Variants in MBOAT2 observed in about 807,000 individuals in gnomAD.
The protein encoded by MBOAT2 is membrane-bound glycerophospholipid O-acyltransferase 2.
A neutral mutation model predicts 63.4 loss-of-function variants in MBOAT2; 28 were observed. That is an observed-to-expected ratio of 0.44 (90% CI 0.33 to 0.61). The LOEUF (loss-of-function observed/expected upper bound fraction) is 0.61, where lower values mean the gene tolerates loss of function less well. Among genes scored for constraint, MBOAT2 ranks in the 20% least tolerant of loss-of-function variants. MBOAT2 has a pLI of 0.03. For missense variants in MBOAT2, 470 were observed against 605.8 expected (o/e 0.78, Z 2.35); for synonymous variants, 211 against 215.6 (o/e 0.98, Z 0.19).
intron 5 of MBOAT2, among the ~76,000 whole-genome samples, chr2:8,886,111 C>T (rs540805597): frequency 1.6e-4 from 24 of 152,286 alleles, no homozygotes; most frequent in South Asian, 1.5e-3. Flanking sequence ...CGCTAGGCAG[C>T]GGGGGCCTAT....
At chr2:8,942,276 G>A (rs1263986110) in intron 3 of MBOAT2, among the ~76,000 whole-genome samples, 2 of 152,332 alleles carry the variant, frequency 1.3e-5, no homozygotes, top group Admixed American at 1.3e-4. Flanking sequence ...CCACAGGTCT[G>A]ATTCTTTATA....
chr2:8,873,428 G>A (rs1275796557), intron 7 of MBOAT2, 128 bp from the exon 8 acceptor site: 25 of 925,782 alleles, frequency 2.7e-5, no homozygotes. Flanking sequence ...CAAAATTCAA[G>A]AGCTACATTG....
chr2:8,926,457 C>T (rs190508891), intron 3 of MBOAT2, among the ~76,000 whole-genome samples: 6 of 152,324 alleles, frequency 3.9e-5, no homozygotes, highest in Admixed American at 3.9e-4. Context: ...CCACAGAGGT[C>T]ACAGGTCAAC....
intron 2 of MBOAT2, among the ~76,000 whole-genome samples, chr2:8,946,484 T>C (rs928962479): frequency 1.8e-4 from 28 of 152,244 alleles, no homozygotes; most frequent in Admixed American, 6.5e-5. Flanking sequence ...TGACTTGTTT[T>C]ACTGCACTTT....
chr2:8,963,596 C>A (rs928347646), intron 1 of MBOAT2, among the ~76,000 whole-genome samples: 2 of 152,120 alleles, frequency 1.3e-5, no homozygotes, highest in African/African-American at 4.8e-5. Flanking sequence ...AGCCACCACA[C>A]CCAACCTGAA....
chr2:8,903,043 C>T (rs2148579188), intron 4 of MBOAT2, among the ~76,000 whole-genome samples: 1 of 152,270 alleles, frequency 6.6e-6, no homozygotes, highest in Middle Eastern at 3.4e-3. Flanking sequence ...ACACAGAATG[C>T]TGATTGGTGC....
rs1323179140 is a variant in MBOAT2 at position 8,855,499 on chromosome 2, C to T, written c.*3180G>A. 2.0e-5 allele frequency: 3 copies of T among 152,234 alleles called. No individual in the cohort carries two copies. The highest frequency in any genetic ancestry group is 6.5e-5 in the Admixed American group (1 of 15,292). The allele number at this position is 152,234 out of a possible 1,614,324, so 9.4% of individuals were successfully genotyped here. On this transcript the variant is annotated 3_prime_UTR_variant, in exon 13 of 13. Transcript: ENST00000305997. Reference sequence around the variant, plus strand: ...GTTTGGAAATCCTGTGTGTGTCACACATGGTGGAGACCAATAAATATATTT... The same window carrying T: ...GTTTGGAAATCCTGTGTGTGTCACATATGGTGGAGACCAATAAATATATTT...
At position 8,869,430 on chromosome 2, in the gene MBOAT2, T is replaced by A. The variant is rs544036404; in HGVS notation, c.884-881A>T. The stretch of plus-strand genomic sequence containing the variant: ...GTACATGCTTAAGCTGCAAAAAAAA[T>A]TTCTGCCTCAAATAAGCCCTTTTCC... On this transcript the variant is annotated intron_variant, in intron 8 of 12. Coordinates refer to ENST00000305997, the MANE Select transcript of MBOAT2 (RefSeq NM_138799.4). Among the ~76,000 whole-genome samples the A allele has an allele frequency of 3.9e-5, 6 of 152,264 alleles. No homozygotes were observed. The South Asian group carries it at 1.2e-3, about 32-fold the overall frequency.
At chr2:8,868,715 C>A (rs897372462) in intron 8 of MBOAT2, among the ~76,000 whole-genome samples, 166 bp from the exon 9 acceptor site, 1 of 152,196 alleles carries the variant, frequency 6.6e-6, no homozygotes, top group East Asian at 1.9e-4. Context: ...AATAACATAT[C>A]TAGGACAATT....
At chr2:8,963,495 G>T (rs1043294898) in intron 1 of MBOAT2, among the ~76,000 whole-genome samples, 3 of 152,020 alleles carry the variant, frequency 2.0e-5, no homozygotes, top group African/African-American at 7.2e-5. Flanking sequence ...GTAGAGATGG[G>T]GTTTCTCCAT....
chr2:8,991,621 A>T (rs1671921793), intron 1 of MBOAT2, among the ~76,000 whole-genome samples: 1 of 152,208 alleles, frequency 6.6e-6, no homozygotes, highest in African/African-American at 2.4e-5. Context: ...GTTCCTTTTA[A>T]GTCTCAGAAC....
intron 3 of MBOAT2, among the ~76,000 whole-genome samples, chr2:8,916,269 A>G (rs1342098277): frequency 1.3e-5 from 2 of 152,214 alleles, no homozygotes; most frequent in Non-Finnish European, 2.9e-5. Context: ...TGCTGTTTAC[A>G]CCATTCAGAT....
intron 3 of MBOAT2, among the ~76,000 whole-genome samples, chr2:8,941,389 C>T (rs780287632): frequency 6.6e-5 from 10 of 152,156 alleles, no homozygotes; most frequent in Non-Finnish European, 1.2e-4. Context: ...TAATTTTATA[C>T]AACTGTATGT....
chr2:8,927,949 T>C (rs1352681317), intron 3 of MBOAT2, among the ~76,000 whole-genome samples: 1 of 152,048 alleles, frequency 6.6e-6, no homozygotes, highest in African/African-American at 2.4e-5. Context: ...TGACATACGC[T>C]TGGCTTCTGG....
intron 4 of MBOAT2, among the ~76,000 whole-genome samples, chr2:8,905,637 A>G (rs1183021790): frequency 6.6e-6 from 1 of 152,072 alleles, no homozygotes; most frequent in African/African-American, 2.4e-5. Flanking sequence ...GGGGAACATC[A>G]CACACCAGGG....
intron 3 of MBOAT2, among the ~76,000 whole-genome samples, chr2:8,918,517 G>T (rs1198660137): frequency 6.6e-6 from 1 of 152,220 alleles, no homozygotes; most frequent in Non-Finnish European, 1.5e-5. Flanking sequence ...TGATGGATTT[G>T]CTGGGTGCAG....
At chr2:8,958,369 T>C in intron 2 of MBOAT2, 128 bp downstream of exon 2, 1 of 845,674 alleles carries the variant, frequency 1.2e-6, no homozygotes, top group South Asian at 3.2e-5. Context: ...ATATGAAAGT[T>C]GGCCTGGAGA....
intron 3 of MBOAT2, among the ~76,000 whole-genome samples, chr2:8,913,864 C>T (rs1268221406): frequency 1.3e-5 from 2 of 152,198 alleles, no homozygotes; most frequent in Non-Finnish European, 2.9e-5. Flanking sequence ...GAAAAAGATA[C>T]TTGCACATGC....
intron 1 of MBOAT2, among the ~76,000 whole-genome samples, chr2:8,991,845 G>T (rs929086066): frequency 6.6e-6 from 1 of 152,162 alleles, no homozygotes; most frequent in Admixed American, 6.5e-5. Flanking sequence ...AGCACCAAGC[G>T]AACATTCCTT....
Sources: allele counts gnomAD v4.1 joint callset (sites outside exome capture counted in the v4.1 genomes callset), GRCh38; gene constraint gnomAD v4.1.1; transcripts MANE v1.5; gene names NCBI Gene and HGNC (gene_info 2026-07-23, HGNC 2026-07-21).